SORL1: variants seen among roughly 807,000 people sequenced by gnomAD.
The protein encoded by SORL1 is sortilin-related receptor.
In SORL1, 127 loss-of-function variants were observed where a neutral mutation model predicts 273.7. The ratio of observed to expected loss-of-function variants is 0.46; its 90% confidence interval spans 0.40 to 0.54. The LOEUF is 0.54. Ranked by LOEUF, SORL1 falls within the 20% of genes least tolerant of loss-of-function variation. The probability of loss-of-function intolerance (pLI) is 0.00; values close to 1 mark genes in which losing one functional copy is unlikely to be tolerated. For missense variants in SORL1, 2,494 were observed against 2,846.1 expected, an observed-to-expected ratio of 0.88 and a Z score of 2.81; for synonymous variants, 1,031 against 1,067.4, an observed-to-expected ratio of 0.97 and a Z score of 0.66.
At chr11:121,570,732 T>G (rs555371676) in intron 23 of SORL1, among the ~76,000 whole-genome samples, 10 of 152,202 alleles carry the variant, frequency 6.6e-5, no homozygotes, top group South Asian at 2.1e-4. Context: ...CAAGAGAGAT[T>G]GTTTTCATTG....
chr11:121,589,355 A>G lies in SORL1; in HGVS notation c.4043A>G (p.Asp1348Gly), dbSNP rs1326167527. Residue 1348 changes from aspartate to glycine, a missense_variant, in exon 29 of 48, where the codon GAT becomes GGT. Asp to Gly is a moderately conservative substitution (Grantham distance 94). Around this residue, in one of 3 missense-constraint regions of SORL1, gnomAD observed 1,609 missense variants for 1,816.4 expected, o/e 0.89. Transcript: ENST00000260197. ...ISLIWKCDGMDDCGDYSDEAN... is the reference protein window; with the variant it reads ...ISLIWKCDGMGDCGDYSDEAN... ...TTGATTTGGAAGTGCGACGGGATGGATGATTGCGGCGATTATTCTGATGAA... is the reference window on the plus strand; with the variant it reads ...TTGATTTGGAAGTGCGACGGGATGGGTGATTGCGGCGATTATTCTGATGAA... 6.2e-7 allele frequency: 1 copy of G among 1,613,722 alleles called. No homozygotes were observed. Among genetic ancestry groups the G allele is most frequent in the Non-Finnish European group, 8.5e-7 (1 of 1,179,646 alleles).
intron 1 of SORL1, among the ~76,000 whole-genome samples, chr11:121,462,429 G>GGTCTTCAGT (rs1861014988): frequency 6.6e-6 from 1 of 152,090 alleles, no homozygotes; most frequent in Non-Finnish European, 1.5e-5. Flanking sequence ...ACATAGGTCA[G>GGTCTTCAGT]GTCTTCAGTG....
At chr11:121,505,202 T>C (rs1214983923) in intron 6 of SORL1, among the ~76,000 whole-genome samples, 1 of 152,118 alleles carries the variant, frequency 6.6e-6, no homozygotes, top group Non-Finnish European at 1.5e-5. Context: ...TTTCTAGTAA[T>C]TTGTTCATTT....
intron 3 of SORL1, among the ~76,000 whole-genome samples, chr11:121,480,902 C>A (rs564718749): frequency 1.4e-5 from 2 of 140,282 alleles, no homozygotes; most frequent in Non-Finnish European, 3.1e-5. Flanking sequence ...TGCACAGATA[C>A]CTATAGGCAG....
intron 11 of SORL1, among the ~76,000 whole-genome samples, chr11:121,526,854 A>T (rs1227579271): frequency 1.3e-5 from 2 of 152,144 alleles, no homozygotes; most frequent in African/African-American, 4.8e-5. Context: ...GTAAGCAATC[A>T]TACCATTTGC....
chr11:121,535,342 C>T (rs1862253489), intron 12 of SORL1, among the ~76,000 whole-genome samples: 1 of 152,224 alleles, frequency 6.6e-6, no homozygotes, highest in African/African-American at 2.4e-5. Context: ...CACACTGGAA[C>T]TTGAGCATAT....
At chr11:121,611,582 A>G (rs975129091) in intron 39 of SORL1, 7 of 154,792 alleles carry the variant, frequency 4.5e-5, no homozygotes, top group Non-Finnish European at 1.0e-4. Flanking sequence ...CTTTCCATCC[A>G]CCTAAGATCT....
intron 1 of SORL1, among the ~76,000 whole-genome samples, chr11:121,465,258 G>A (rs1861065399): frequency 6.6e-6 from 1 of 152,142 alleles, no homozygotes; most frequent in Admixed American, 6.6e-5. Flanking sequence ...ATGGTGTCAT[G>A]CAATCATGCA....
In SORL1 at chr11:121,599,647, T is replaced by A. The variant is rs1412537375; in HGVS notation, c.4519+3875T>A. Among the ~76,000 whole-genome samples, 6 of 152,378 alleles carry A rather than the reference T, an allele frequency of 3.9e-5. No homozygotes were observed. The South Asian group carries it at 1.0e-3, about 26-fold the overall frequency. On this transcript the variant is annotated intron_variant, in intron 32 of 47. Coordinates refer to ENST00000260197, the MANE Select transcript of SORL1 (RefSeq NM_003105.6). ...CTCTTTCTCATTTCTTTGTCATGTC[T>A]TTCAGTTGTAAGGTTGAGCTTTGTC... is the stretch of plus-strand genomic sequence containing the variant.
chr11:121,607,917 C>T (rs2134927639), intron 37 of SORL1, among the ~76,000 whole-genome samples, 187 bp from the exon 38 acceptor site: 1 of 152,230 alleles, frequency 6.6e-6, no homozygotes, highest in East Asian at 1.9e-4. Flanking sequence ...ACCCAAGCTC[C>T]TTCCCTTGGC....
At position 121,560,750 on chromosome 11, in the gene SORL1, A is replaced by G. The variant is rs146577956; in HGVS notation, c.3049+1093A>G. Among the ~76,000 whole-genome samples, 338 of 152,326 alleles carry G rather than the reference A, an allele frequency of 2.2e-3. 2 individuals are homozygous for G. The highest frequency in any genetic ancestry group is 6.8e-3 in the Middle Eastern group (2 of 294). On this transcript the variant is annotated intron_variant, in intron 21 of 47. Coordinates refer to ENST00000260197, the MANE Select transcript of SORL1 (RefSeq NM_003105.6). Reference sequence around the variant, plus strand: ...CTGGGAAAACTATAAAGTGTCTTACAAATGTAAGACGATATTATTTGTTAT... The same window carrying G: ...CTGGGAAAACTATAAAGTGTCTTACGAATGTAAGACGATATTATTTGTTAT...
At chr11:121,475,044 C>T (rs1861241520) in intron 2 of SORL1, among the ~76,000 whole-genome samples, 4 of 152,120 alleles carry the variant, frequency 2.6e-5, no homozygotes, top group African/African-American at 7.2e-5. Context: ...ATTGCTTGAG[C>T]TTAGGAGTTG....
chr11:121,517,958 G>A (rs1861979541), intron 8 of SORL1, among the ~76,000 whole-genome samples: 1 of 152,246 alleles, frequency 6.6e-6, no homozygotes, highest in Admixed American at 6.5e-5. Context: ...GAATAGGAAA[G>A]AGTGGTGTCT....
intron 14 of SORL1, among the ~76,000 whole-genome samples, chr11:121,549,102 G>A (rs1862472176): frequency 6.6e-6 from 1 of 152,186 alleles, no homozygotes; most frequent in Admixed American, 6.5e-5. Flanking sequence ...AAGCTGGGAG[G>A]TTTGGCAGAT....
At chr11:121,625,724 T>A (rs1863786973) in intron 46 of SORL1, among the ~76,000 whole-genome samples, 1 of 152,114 alleles carries the variant, frequency 6.6e-6, no homozygotes, top group Admixed American at 6.5e-5. Flanking sequence ...TCATCTTAGC[T>A]CTCAGCATAA....
At chr11:121,555,091 C>T in intron 17 of SORL1, 96 bp from the exon 18 acceptor site, 1 of 1,330,506 alleles carries the variant, frequency 7.5e-7, no homozygotes, top group South Asian at 1.7e-5. Context: ...CTTGCCAGTC[C>T]TGCCAGTTGA....
At position 121,559,545 on chromosome 11, in the gene SORL1, A is replaced by C; in HGVS notation, c.2937A>C (p.Ser979=). 1 of 1,614,084 alleles carries C rather than the reference A, an allele frequency of 6.2e-7. No homozygotes were observed. The highest frequency in any genetic ancestry group is 8.5e-7 in the Non-Finnish European group (1 of 1,179,992). ...ATGAAATCTACTGGGATGACTGGTC[A>C]CAGCTCAGCATATTCCGAGCTTCCA... The part of the protein sequence containing the change: ...FKNEIYWDDW[S]QLSIFRASKY... The change falls in exon 21 of 48, where the codon TCA becomes TCC. Residue 979 remains serine (S), a synonymous_variant. Coordinates refer to ENST00000260197, the MANE Select transcript of SORL1 (RefSeq NM_003105.6).
In SORL1 at chr11:121,497,017, C is replaced by T. The variant is rs372363423; in HGVS notation, c.907C>T (p.Arg303Trp). 8.7e-5 allele frequency: 141 copies of T among 1,613,764 alleles called. No homozygotes were observed. Among genetic ancestry groups the T allele is most frequent in the Non-Finnish European group, 1.1e-4 (131 of 1,179,976 alleles). ...TGAGGAAGTGAGAGATTTTCAGCTT[C>T]GGGACAAGTACATGTTTGCTACAAA... ...ILEEVRDFQL[R>W]DKYMFATKVV... is the part of the protein sequence containing the mutation. The change falls in exon 6 of 48, where the codon CGG becomes TGG. Residue 303 changes from arginine to tryptophan, a missense_variant. Around this residue, in one of 3 missense-constraint regions of SORL1, gnomAD observed 710 missense variants for 882.5 expected, o/e 0.80. Coordinates refer to ENST00000260197, the MANE Select transcript of SORL1 (RefSeq NM_003105.6).
intron 32 of SORL1, among the ~76,000 whole-genome samples, chr11:121,602,889 T>C (rs7128608): frequency 0.11 from 16,342 of 152,212 alleles, 1,826 homozygotes; most frequent in African/African-American, 0.29. Flanking sequence ...ACCTACAAGA[T>C]GTCACCATGG....
Sources: allele counts gnomAD v4.1 joint callset (sites outside exome capture counted in the v4.1 genomes callset), GRCh38; gene constraint gnomAD v4.1.1; regional missense constraint gnomAD v4.1.1; transcripts MANE v1.5; gene names NCBI Gene and HGNC (gene_info 2026-07-23, HGNC 2026-07-21).